LARGE1: variants seen among roughly 807,000 people sequenced by gnomAD.
The protein encoded by LARGE1 is LARGE xylosyl- and glucuronyltransferase 1, also known as xylosyl- and glucuronyltransferase LARGE1.
In LARGE1, 43 loss-of-function variants were observed where a neutral mutation model predicts 87.6. The ratio of observed to expected loss-of-function variants is 0.49; its 90% confidence interval spans 0.38 to 0.63. The LOEUF (loss-of-function observed/expected upper bound fraction) is 0.63. LARGE1 is among the 30% of genes least tolerant of loss of function. The pLI, the probability that LARGE1 is intolerant of heterozygous loss-of-function variation, is 0.00. For synonymous variants in LARGE1, 434 were observed against 394.6 expected, an observed-to-expected ratio of 1.10 and a Z score of -1.18; for missense variants, 802 against 1,000.2, an observed-to-expected ratio of 0.80 and a Z score of 2.67.
At chr22:33,744,468 G>A (rs142114592) in intron 2 of LARGE1, 8 of 152,464 alleles carry the variant, frequency 5.2e-5, no homozygotes, top group African/African-American at 1.9e-4. Flanking sequence ...GCGTACCTGG[G>A]AGCTGCTAGT....
At chr22:33,789,231 G>A (rs1021250481) in intron 1 of LARGE1, among the ~76,000 whole-genome samples, 21 of 152,330 alleles carry the variant, frequency 1.4e-4, no homozygotes, top group African/African-American at 4.6e-4. Flanking sequence ...CCATTGCTTC[G>A]GAGGGTGCAA....
intron 6 of LARGE1, among the ~76,000 whole-genome samples, chr22:33,528,047 T>C (rs913893567): frequency 6.9e-6 from 1 of 145,042 alleles, no homozygotes; most frequent in Non-Finnish European, 1.5e-5. Context: ...AAAACCCATA[T>C]GAGTAAAATA....
intron 3 of LARGE1, among the ~76,000 whole-genome samples, chr22:33,638,819 T>C (rs1448587769): frequency 2.0e-5 from 3 of 152,202 alleles, no homozygotes; most frequent in Non-Finnish European, 2.9e-5. Flanking sequence ...TTAACTATAA[T>C]ACATTACTAC....
chr22:33,741,978 G>A (rs1383280987), intron 2 of LARGE1, among the ~76,000 whole-genome samples: 3 of 152,146 alleles, frequency 2.0e-5, no homozygotes, highest in Admixed American at 6.5e-5. Flanking sequence ...AAATGAGAAC[G>A]TACCAGTTGT....
the LARGE1 span, among the ~76,000 whole-genome samples, chr22:33,155,132 G>C: frequency 6.6e-6 from 1 of 152,176 alleles, no homozygotes; most frequent in Non-Finnish European, 1.5e-5. Flanking sequence ...CCAATTTACT[G>C]TATCAGAAAA....
chr22:33,314,596 G>A (rs1210617889), intron 11 of LARGE1, among the ~76,000 whole-genome samples: 2 of 152,184 alleles, frequency 1.3e-5, no homozygotes, highest in Admixed American at 1.3e-4. Flanking sequence ...CACTGTACAG[G>A]CATTAGCTCA....
At chr22:33,766,949 T>C (rs1183114781) in intron 1 of LARGE1, among the ~76,000 whole-genome samples, 21 of 45,156 alleles carry the variant, frequency 4.7e-4, no homozygotes, top group Non-Finnish European at 7.1e-4. Flanking sequence ...TATATATATA[T>C]ATATATATAT....
In LARGE1 at chr22:33,316,259, GGAGA is replaced by G. The variant is rs997650591; in HGVS notation, c.1288-15_1288-12del. 6.2e-7 allele frequency: 1 copy of G among 1,612,764 alleles called. No homozygotes were observed. The highest frequency in any genetic ancestry group is 8.5e-7 in the Non-Finnish European group (1 of 1,179,832). On this transcript the variant is annotated splice_polypyrimidine_tract_variant and intron_variant, in intron 10 of 14. Transcript: ENST00000397394. ...CAGCTGCTTCTGGAGCTGCAGGGTA[GGAGA>G]GAGGGCTTGGGCACGTGAAGAAGAG... is the stretch of plus-strand genomic sequence containing the variant.
At chr22:33,122,124 C>T in the LARGE1 span, among the ~76,000 whole-genome samples, 32 of 152,238 alleles carry the variant, frequency 2.1e-4, no homozygotes, top group African/African-American at 7.0e-4. Flanking sequence ...TTTAATCTTT[C>T]CCCTGAGTTA....
At chr22:33,584,675 GAA>G (rs71187271) in intron 5 of LARGE1, among the ~76,000 whole-genome samples, 1 of 146,516 alleles carries the variant, frequency 6.8e-6, no homozygotes, top group Non-Finnish European at 1.5e-5. Flanking sequence ...CTGTGCTACT[GAA>G]AAAAAAAAAA....
At chr22:33,847,955 G>A (rs2063481385) in intron 1 of LARGE1, among the ~76,000 whole-genome samples, 1 of 152,216 alleles carries the variant, frequency 6.6e-6, no homozygotes, top group South Asian at 2.1e-4. Flanking sequence ...ATGCTAACTG[G>A]TGGTTACAAA....
intron 12 of LARGE1, among the ~76,000 whole-genome samples, chr22:33,293,424 T>TATC (rs1299585757): frequency 6.6e-6 from 1 of 152,206 alleles, no homozygotes; most frequent in African/African-American, 2.4e-5. Context: ...AGCTAGTAGT[T>TATC]ATCATCATCA....
intron 2 of LARGE1, among the ~76,000 whole-genome samples, chr22:33,652,157 A>G (rs1410929326): frequency 6.6e-6 from 1 of 152,160 alleles, no homozygotes; most frequent in Non-Finnish European, 1.5e-5. Context: ...GCCTGGCGAC[A>G]GAGCAAGACT....
At chr22:33,265,889 T>A (rs1352025783) in intron 11 of LARGE1, among the ~76,000 whole-genome samples, 1 of 151,150 alleles carries the variant, frequency 6.6e-6, no homozygotes, top group South Asian at 2.1e-4. Context: ...AAATGCAGAA[T>A]CGCAGGCAGC....
At chr22:33,792,221 C>T (rs879331300) in intron 1 of LARGE1, among the ~76,000 whole-genome samples, 1 of 152,212 alleles carries the variant, frequency 6.6e-6, no homozygotes, top group Non-Finnish European at 1.5e-5. Context: ...ATAATCCCCA[C>T]ATGTCATGGG....
chr22:33,132,119 A>G, the LARGE1 span, among the ~76,000 whole-genome samples: 1 of 152,136 alleles, frequency 6.6e-6, no homozygotes, highest in Admixed American at 6.5e-5. Context: ...TAAAGATGAG[A>G]TTTGGGTGGA....
At chr22:33,390,161 C>G (rs2065467084) in intron 7 of LARGE1, among the ~76,000 whole-genome samples, 2 of 152,196 alleles carry the variant, frequency 1.3e-5, no homozygotes, top group South Asian at 4.1e-4. Context: ...CTTTGGAATT[C>G]CAGAACGTTT....
intron 3 of LARGE1, among the ~76,000 whole-genome samples, chr22:33,635,498 GGGGCAA>G (rs1213039576): frequency 2.0e-5 from 3 of 152,028 alleles, no homozygotes; most frequent in African/African-American, 7.2e-5. Flanking sequence ...TAAGTGATTT[GGGGCAA>G]ATTATCTAAC....
intron 4 of LARGE1, among the ~76,000 whole-genome samples, chr22:33,623,485 G>A (rs1243483223): frequency 1.3e-5 from 2 of 152,062 alleles, no homozygotes; most frequent in Non-Finnish European, 2.9e-5. Flanking sequence ...ACGGTGAACT[G>A]TTATCTATTT....
Sources: gnomAD v4.1 joint callset for allele counts (sites outside exome capture counted in the v4.1 genomes callset) on GRCh38, gnomAD v4.1.1 for gene constraint, MANE v1.5 for transcripts, NCBI Gene and HGNC (gene_info 2026-07-23, HGNC 2026-07-21) for gene names.